The following PCSK5 variants were observed in gnomAD, a reference collection of about 807,000 sequenced individuals.
PCSK5 encodes the protein proprotein convertase subtilisin/kexin type 5, also known as prohormone convertase 5.
A neutral mutation model predicts 233.2 loss-of-function variants in PCSK5; 129 were observed. That is an observed-to-expected ratio of 0.55 (90% CI 0.48 to 0.64). The LOEUF (loss-of-function observed/expected upper bound fraction) is 0.64. PCSK5 is among the 30% of genes least tolerant of loss of function. The probability of loss-of-function intolerance (pLI) is 0.00; values close to 1 mark genes in which losing one functional copy is unlikely to be tolerated. For synonymous variants in PCSK5, 825 were observed against 879.2 expected (o/e 0.94, Z 1.09); for missense variants, 2,076 against 2,430.1 (o/e 0.85, Z 3.06).
intron 7 of PCSK5, among the ~76,000 whole-genome samples, chr9:76,092,220 G>A (rs1274860245): frequency 6.6e-6 from 1 of 152,084 alleles, no homozygotes; most frequent in Non-Finnish European, 1.5e-5. Flanking sequence ...AGGACTTTAG[G>A]ACTTTTCTGC....
chr9:75,904,467 G>T (rs1250300039), intron 1 of PCSK5, among the ~76,000 whole-genome samples: 1 of 152,126 alleles, frequency 6.6e-6, no homozygotes, highest in African/African-American at 2.4e-5. Context: ...AATTAAAAAT[G>T]GGCACAAAAT....
chr9:76,220,434 G>A (rs1320867186), intron 20 of PCSK5, among the ~76,000 whole-genome samples: 2 of 150,758 alleles, frequency 1.3e-5, no homozygotes, highest in Admixed American at 1.3e-4. Context: ...GGCTGAGGAA[G>A]GAGAATGGCT....
At chr9:76,255,912 A>G (rs1826968002) in intron 24 of PCSK5, among the ~76,000 whole-genome samples, 1 of 152,202 alleles carries the variant, frequency 6.6e-6, no homozygotes, top group South Asian at 2.1e-4. Flanking sequence ...TCATTTGCCT[A>G]AAGTTACACA....
chr9:76,282,064 C>CA (rs1554716365), intron 24 of PCSK5, among the ~76,000 whole-genome samples: 2 of 83,148 alleles, frequency 2.4e-5, no homozygotes, highest in East Asian at 3.8e-4. Flanking sequence ...TTTTTTCTTT[C>CA]TTTTTTTTTT....
chr9:76,040,410 T>A (rs1829069182), intron 5 of PCSK5, among the ~76,000 whole-genome samples: 1 of 141,748 alleles, frequency 7.1e-6, no homozygotes, highest in Non-Finnish European at 1.5e-5. Context: ...TCTCTCTCTC[T>A]CTCAACAGGT....
At chr9:75,942,575 G>T (rs116831435) in intron 2 of PCSK5, among the ~76,000 whole-genome samples, 1 of 152,138 alleles carries the variant, frequency 6.6e-6, no homozygotes. Context: ...GTTGTGGAGC[G>T]AAGGCTGCCA....
At chr9:76,227,183 G>C (rs545483042) in intron 20 of PCSK5, among the ~76,000 whole-genome samples, 2 of 152,178 alleles carry the variant, frequency 1.3e-5, no homozygotes, top group Non-Finnish European at 1.5e-5. Flanking sequence ...GTCAGCAGGA[G>C]TTCAGTAAAG....
At chr9:75,907,552 A>AT (rs1826312452) in intron 1 of PCSK5, among the ~76,000 whole-genome samples, 1 of 152,070 alleles carries the variant, frequency 6.6e-6, no homozygotes, top group African/African-American at 2.4e-5. Context: ...CATTCTTCTG[A>AT]TTTTGACTTC....
chr9:75,919,747 C>T (rs1207998587), intron 1 of PCSK5, among the ~76,000 whole-genome samples: 5 of 152,208 alleles, frequency 3.3e-5, no homozygotes, highest in African/African-American at 9.6e-5. Flanking sequence ...TTAGAAGCCT[C>T]ACCCTCTGCC....
chr9:76,275,947 G>A (rs931769616), intron 24 of PCSK5, among the ~76,000 whole-genome samples: 2 of 152,196 alleles, frequency 1.3e-5, no homozygotes, highest in Non-Finnish European at 2.9e-5. Flanking sequence ...ACTCGTTACA[G>A]TATCCAAAGC....
chr9:76,257,533 T>G (rs1052995923), intron 24 of PCSK5, among the ~76,000 whole-genome samples: 1 of 152,218 alleles, frequency 6.6e-6, no homozygotes, highest in Non-Finnish European at 1.5e-5. Context: ...AGACTCATCC[T>G]TTCCACAAAG....
At chr9:75,951,175 G>C (rs953809887) in intron 2 of PCSK5, among the ~76,000 whole-genome samples, 4 of 152,208 alleles carry the variant, frequency 2.6e-5, no homozygotes, top group East Asian at 3.8e-4. Flanking sequence ...GGCTTCATAT[G>C]TAGACCTAAA....
rs969937361 is a variant in PCSK5 at position 76,352,891 on chromosome 9, A to C, written c.5068-1142A>C. On this transcript the variant is annotated intron_variant, in intron 36 of 37. Coordinates refer to ENST00000674117, the MANE Select transcript of PCSK5 (RefSeq NM_001372043.1). ...AACCCCATCTCTACAAAAAATACAA[A>C]AAAAAAAAATAGCTGGACATGGTGG... 2.0e-5 allele frequency among the ~76,000 whole-genome samples: 3 copies of C among 150,844 alleles called. 1 individual carries two copies. The Admixed American group carries it at 2.0e-4, about 10-fold the overall frequency.
At chr9:76,286,748 C>G (rs1422917866) in intron 24 of PCSK5, 1 of 160,818 alleles carries the variant, frequency 6.2e-6, no homozygotes, top group African/African-American at 2.4e-5. Flanking sequence ...GCAGATGCAT[C>G]TGCTGCTGCA....
At chr9:76,031,457 G>A (rs576886284) in intron 5 of PCSK5, among the ~76,000 whole-genome samples, 1 of 152,256 alleles carries the variant, frequency 6.6e-6, no homozygotes, top group African/African-American at 2.4e-5. Context: ...GGAGGCCAAG[G>A]CTGGAGGATC....
At chr9:76,197,638 C>A (rs1824754023) in intron 20 of PCSK5, among the ~76,000 whole-genome samples, 1 of 152,154 alleles carries the variant, frequency 6.6e-6, no homozygotes, top group Non-Finnish European at 1.5e-5. Context: ...TGGCAGACGG[C>A]AATGTGTTGA....
chr9:75,969,853 T>G (rs1424827214), intron 2 of PCSK5, among the ~76,000 whole-genome samples: 1 of 151,810 alleles, frequency 6.6e-6, no homozygotes. Context: ...AAACACGGGT[T>G]CCTTGGACTC....
intron 3 of PCSK5, among the ~76,000 whole-genome samples, chr9:75,996,091 G>A (rs1295034646): frequency 1.3e-5 from 2 of 151,980 alleles, no homozygotes; most frequent in African/African-American, 4.8e-5. Flanking sequence ...AAAATACTTT[G>A]TATTCATTAA....
intron 24 of PCSK5, among the ~76,000 whole-genome samples, chr9:76,272,393 C>G (rs75716356): frequency 0.017 from 2,514 of 152,134 alleles, 67 homozygotes; most frequent in African/African-American, 0.056. Context: ...CCACTCTCTC[C>G]TCTAATAATG....
Sources: allele counts gnomAD v4.1 joint callset (sites outside exome capture counted in the v4.1 genomes callset), GRCh38; gene constraint gnomAD v4.1.1; transcripts MANE v1.5; gene names NCBI Gene and HGNC (gene_info 2026-07-23, HGNC 2026-07-21).